The following AMPD3 variants were observed in gnomAD, a reference collection of about 807,000 sequenced individuals.
AMPD3 encodes the protein adenosine monophosphate deaminase 3.
AMPD3 carries 57 observed loss-of-function variants against 82.3 expected under a neutral mutation model. The observed-to-expected ratio is 0.69, with a 90% confidence interval of 0.56 to 0.86. AMPD3 has a LOEUF of 0.86. AMPD3 is among the 40% of genes least tolerant of loss of function. The pLI, the probability that AMPD3 is intolerant of heterozygous loss-of-function variation, is 0.00. For synonymous variants in AMPD3, 381 were observed against 394.7 expected (o/e 0.97, Z 0.41); for missense variants, 870 against 1,003.8 (o/e 0.87, Z 1.80).
intron 2 of AMPD3, 97 bp downstream of exon 2, chr11:10,461,837 G>T: frequency 8.7e-7 from 1 of 1,146,000 alleles, no homozygotes; most frequent in East Asian, 2.6e-5. Context: ...CATGGGGACT[G>T]GTATGTCCCT....
chr11:10,486,848 C>T (rs11042847), intron 5 of AMPD3: 77,030 of 985,080 alleles, frequency 0.078, 3,320 homozygotes, highest in Non-Finnish European at 0.086. Context: ...ACTGAGCATC[C>T]ACTCTGCTTG....
chr11:10,462,523 A>G (rs1038461625), intron 2 of AMPD3, among the ~76,000 whole-genome samples: 12 of 152,280 alleles, frequency 7.9e-5, no homozygotes, highest in Admixed American at 6.5e-4. Flanking sequence ...CAAGGCAGAG[A>G]TGGAGGCAGG....
chr11:10,494,883 T>TG lies in AMPD3; in HGVS notation c.1135-14dup, dbSNP rs1424972115. 1 of 1,611,276 alleles carries TG rather than the reference T, an allele frequency of 6.2e-7. No individual in the cohort carries two copies. Among genetic ancestry groups the TG allele is most frequent in the African/African-American group, 1.3e-5 (1 of 74,984 alleles). ...CTGCAGAACGATGCGTTGATTGGTG[T>TG]GGTCTCCCCCCTCAGGGCCGGCAGA... is the stretch of plus-strand genomic sequence containing the variant. On this transcript the variant is annotated splice_polypyrimidine_tract_variant and intron_variant, in intron 7 of 14. Coordinates refer to ENST00000396553, the MANE Select transcript of AMPD3 (RefSeq NM_001025389.2).
At chr11:10,469,923 C>T (rs1432448999) in intron 2 of AMPD3, among the ~76,000 whole-genome samples, 5 of 151,236 alleles carry the variant, frequency 3.3e-5, no homozygotes, top group Admixed American at 3.3e-4. Context: ...GCCTGTAGTC[C>T]CAGCTACTTG....
Position 10,505,951 on chromosome 11 carries a change from C to A in AMPD3, c.*67C>A. Reference sequence around the variant, plus strand: ...CAAGTCTGCTGTGGCTAATAGTGGTCAAGATTCCGAACTAGGACTTTCCTC... The same window carrying A: ...CAAGTCTGCTGTGGCTAATAGTGGTAAAGATTCCGAACTAGGACTTTCCTC... On this transcript the variant is annotated 3_prime_UTR_variant, in exon 15 of 15. Transcript: ENST00000396553. The A allele has an allele frequency of 1.9e-6, 3 of 1,579,584 alleles. No homozygotes were observed. In the South Asian group the frequency reaches 3.3e-5, roughly 18 times the overall value.
At chr11:10,485,542 G>A (rs552006730) in intron 5 of AMPD3, among the ~76,000 whole-genome samples, 1 of 152,106 alleles carries the variant, frequency 6.6e-6, no homozygotes, top group East Asian at 1.9e-4. Context: ...ACTGTGACCG[G>A]CCTCCCTGTC....
At chr11:10,486,622 C>T (rs966822920) in intron 5 of AMPD3, 3 of 985,414 alleles carry the variant, frequency 3.0e-6, no homozygotes, top group Non-Finnish European at 3.6e-6. Context: ...GCAAAATATC[C>T]TCCTCTTGTC....
Position 10,502,878 on chromosome 11 carries a change from A to C in AMPD3, c.2000A>C (p.Gln667Pro). The change falls in exon 13 of 15, where the codon CAG becomes CCG. Residue 667 changes from glutamine (Q) to proline (P), a missense_variant. Coordinates refer to ENST00000396553, the MANE Select transcript of AMPD3 (RefSeq NM_001025389.2). ...HVSLSTDDPM[Q>P]FHYTKEALME... ...TCTCTTTCCACCGATGACCCCATGC[A>C]GTTCCACTACACGAAGGTAAGGACT... is the stretch of plus-strand genomic sequence containing the variant. The C allele has an allele frequency of 6.2e-7, 1 of 1,614,220 alleles. No homozygotes were observed. Among genetic ancestry groups the C allele is most frequent in the Non-Finnish European group, 8.5e-7 (1 of 1,180,020 alleles).
chr11:10,497,043 A>T, intron 10 of AMPD3, 105 bp downstream of exon 10: 1 of 1,414,480 alleles, frequency 7.1e-7, no homozygotes, highest in Non-Finnish European at 1.0e-6. Context: ...ATGGTATCTT[A>T]GGTCCTGCCA....
chr11:10,462,323 A>G (rs1848294720), intron 2 of AMPD3, among the ~76,000 whole-genome samples: 1 of 152,186 alleles, frequency 6.6e-6, no homozygotes, highest in Non-Finnish European at 1.5e-5. Context: ...GAAACCAAAC[A>G]GGGGAGAGAG....
chr11:10,492,964 C>T (rs983524491), intron 6 of AMPD3, among the ~76,000 whole-genome samples: 30 of 152,090 alleles, frequency 2.0e-4, no homozygotes, highest in Non-Finnish European at 2.8e-4. Context: ...TGGTTTGTCA[C>T]GGCTGCAGCA....
At position 10,495,749 on chromosome 11, in the gene AMPD3, C is replaced by G. The variant is rs569705212; in HGVS notation, c.1430+16C>G. The G allele has an allele frequency of 3.7e-6, 6 of 1,613,826 alleles. No individual in the cohort carries two copies. Among genetic ancestry groups the G allele is most frequent in the Non-Finnish European group, 4.2e-6 (5 of 1,179,966 alleles). On this transcript the variant is annotated intron_variant, in intron 9 of 14. Coordinates refer to ENST00000396553, the MANE Select transcript of AMPD3 (RefSeq NM_001025389.2). ...CCCGGATTTAGTAAGTGAGGTGGCCCGCTGTCTACCCTGTGCCCTACAGAG... is the reference window on the plus strand; with the variant it reads ...CCCGGATTTAGTAAGTGAGGTGGCCGGCTGTCTACCCTGTGCCCTACAGAG...
Position 10,481,358 on chromosome 11 carries a change from C to A in AMPD3, c.427-705C>A, listed in dbSNP as rs367629426. 2.6e-5 allele frequency: 21 copies of A among 806,290 alleles called. No individual in the cohort carries two copies. In the African/African-American group the frequency reaches 3.6e-4, roughly 14 times the overall value. The allele number at this position is 806,290 out of a possible 1,614,324, so 49.9% of individuals were successfully genotyped here. A position where few individuals can be genotyped will look rare whatever the true frequency, so the allele number is the denominator to read the frequency against. Reference sequence around the variant, plus strand: ...CTCAACTGAAAATGACGGTGCTCATCGCCTTCAGGGATAGGACTCAGGCTT... The same window carrying A: ...CTCAACTGAAAATGACGGTGCTCATAGCCTTCAGGGATAGGACTCAGGCTT... On this transcript the variant is annotated intron_variant, in intron 3 of 14. Transcript: ENST00000396553.
intron 8 of AMPD3, 71 bp from the exon 9 acceptor site, chr11:10,495,498 TG>T (rs1434622777): frequency 1.9e-6 from 3 of 1,610,294 alleles, no homozygotes; most frequent in Admixed American, 1.7e-5. Flanking sequence ...AGGACCCTGC[TG>T]GTGACGGAGA....
chr11:10,466,346 T>C (rs933797689), intron 2 of AMPD3, among the ~76,000 whole-genome samples: 2 of 151,928 alleles, frequency 1.3e-5, no homozygotes, highest in African/African-American at 4.8e-5. Context: ...ACACTCAAGC[T>C]TCGTAGGGGG....
Position 10,455,300 on chromosome 11 carries a change from AC to A in AMPD3, c.-151del. 1.0e-6 allele frequency: 1 copy of A among 985,390 alleles called. No individual in the cohort carries two copies. The highest frequency in any genetic ancestry group is 4.7e-5 in the South Asian group (1 of 21,280). The allele number at this position is 985,390 out of a possible 1,614,324, so 61.0% of individuals were successfully genotyped here. On this transcript the variant is annotated 5_prime_UTR_variant, in exon 1 of 15. It introduces an in-frame stop codon into an upstream open reading frame of the 5' UTR. Transcript: ENST00000396553. ...GGGCAGATGAAGATCAGAGCTTTGC[AC>A]CCTGTGATGCCATTTTAATCAACCC... is the stretch of plus-strand genomic sequence containing the variant.
At chr11:10,455,975 G>C (rs1322792161) in intron 1 of AMPD3, 1 of 985,306 alleles carries the variant, frequency 1.0e-6, no homozygotes, top group African/African-American at 1.7e-5. Flanking sequence ...GAGGCTGGGC[G>C]TTAGAGGGAG....
At chr11:10,485,088 G>C (rs1336553362) in intron 5 of AMPD3, 49 bp downstream of exon 5, 1 of 1,553,130 alleles carries the variant, frequency 6.4e-7, no homozygotes, top group East Asian at 2.4e-5. Context: ...GTGCTGTTCT[G>C]TAGGAAGGAG....
intron 2 of AMPD3, chr11:10,473,535 T>C: frequency 4.1e-6 from 4 of 985,266 alleles, no homozygotes; most frequent in Non-Finnish European, 4.8e-6. Context: ...GGTGGGGCTG[T>C]GAGTTTTCAC....
Sources: allele counts gnomAD v4.1 joint callset (sites outside exome capture counted in the v4.1 genomes callset), GRCh38; gene constraint gnomAD v4.1.1; transcripts MANE v1.5; gene names NCBI Gene and HGNC (gene_info 2026-07-23, HGNC 2026-07-21).